Variants in KMT2A observed in about 807,000 individuals in gnomAD.
KMT2A encodes histone-lysine N-methyltransferase 2A.
KMT2A carries 16 observed loss-of-function variants against 345.3 expected under a neutral mutation model. The ratio of observed to expected loss-of-function variants is 0.05; its 90% CI spans 0.03 to 0.07. The LOEUF (loss-of-function observed/expected upper bound fraction) is 0.07, where lower values mean the gene tolerates loss of function less well. Among genes scored for constraint, KMT2A ranks in the 10% least tolerant of loss-of-function variants. The pLI, the probability that KMT2A is intolerant of heterozygous loss-of-function variation, is 1.00. For missense variants in KMT2A, 3,272 were observed against 4,841.6 expected (o/e 0.68, Z 9.62); for synonymous variants, 1,599 against 1,778.6 (o/e 0.90, Z 2.54).
At chr11:118,487,400 T>C (rs967783777) in intron 10 of KMT2A, among the ~76,000 whole-genome samples, 1 of 152,160 alleles carries the variant, frequency 6.6e-6, no homozygotes, top group Non-Finnish European at 1.5e-5. Flanking sequence ...GCATGACCAG[T>C]GCTTGATAAA....
At chr11:118,509,370 G>A (rs992164404) in intron 29 of KMT2A, among the ~76,000 whole-genome samples, 170 bp downstream of exon 29, 10 of 151,958 alleles carry the variant, frequency 6.6e-5, no homozygotes, top group Middle Eastern at 3.4e-3. Flanking sequence ...CCTGTCTCTC[G>A]GTGCAGTGTT....
rs782541447 is a variant in KMT2A at position 118,436,821 on chromosome 11, G to C, written c.309G>C (p.Pro103=). ...CATCGTCCTCAGCCTCTTCAGGGCCGGCCCTGCTCCGGGTGGGCCCGGGCT... is the reference window on the plus strand; with the variant it reads ...CATCGTCCTCAGCCTCTTCAGGGCCCGCCCTGCTCCGGGTGGGCCCGGGCT... ...SSSSSSASSG[P]ALLRVGPGFD... is the part of the protein sequence containing the mutation. The change falls in exon 1 of 36, where the codon CCG becomes CCC. Residue 103 remains proline, a synonymous_variant. Coordinates refer to ENST00000534358, the MANE Select transcript of KMT2A (RefSeq NM_001197104.2). The surrounding 1 kb of genome is among the most constrained non-coding windows in gnomAD (Gnocchi z 6.9). The C allele has an allele frequency of 1.9e-5, 31 of 1,608,414 alleles. No individual in the cohort carries two copies. Among genetic ancestry groups the C allele is most frequent in the Non-Finnish European group, 2.5e-5 (29 of 1,177,860 alleles).
Position 118,457,899 on chromosome 11 carries a change from G to A in KMT2A, c.433-10876G>A, listed in dbSNP as rs572129477. On this transcript the variant is annotated intron_variant, in intron 1 of 35. Coordinates refer to ENST00000534358, the MANE Select transcript of KMT2A (RefSeq NM_001197104.2). ...CGATACTTCATTAATTTACTCATCT[G>A]TTTTTAAGATTAGCAGGTCCTTAAA... 6.6e-5 allele frequency among the ~76,000 whole-genome samples: 10 copies of A among 152,142 alleles called. No homozygotes were observed. In the South Asian group the frequency reaches 1.9e-3, roughly 28 times the overall value.
rs1555046316 is a variant in KMT2A at position 118,502,935 on chromosome 11, T to C, written c.7043T>C (p.Val2348Ala). 6.2e-7 allele frequency: 1 copy of C among 1,614,122 alleles called. No homozygotes were observed. The highest frequency in any genetic ancestry group is 8.5e-7 in the Non-Finnish European group (1 of 1,180,006). ...AACACAACATCTAGAGAACTGAATG[T>C]TAGTAAAATCGGCTCCTTTGCTGAA... is the stretch of plus-strand genomic sequence containing the variant. ...VHNTTSRELN[V>A]SKIGSFAEPS... Residue 2348 changes from valine to alanine, a missense_variant, in exon 27 of 36, where the codon GTT (valine) becomes GCT (alanine). Around this residue, in one of 27 missense-constraint regions of KMT2A, gnomAD observed 445 missense variants for 500.9 expected, o/e 0.89. Transcript: ENST00000534358. The surrounding 1 kb of genome is among the most constrained non-coding windows in gnomAD (Gnocchi z 4.9).
At chr11:118,452,152 C>T (rs183818442) in intron 1 of KMT2A, among the ~76,000 whole-genome samples, 14 of 152,188 alleles carry the variant, frequency 9.2e-5, no homozygotes, top group Non-Finnish European at 1.8e-4. Flanking sequence ...AGCGATTCTA[C>T]TCCCTCAGCC....
intron 31 of KMT2A, among the ~76,000 whole-genome samples, chr11:118,517,501 A>G (rs1158344869): frequency 6.6e-6 from 1 of 152,202 alleles, no homozygotes; most frequent in Non-Finnish European, 1.5e-5. Context: ...TACATACCTA[A>G]GCCAAATTCT....
intron 31 of KMT2A, among the ~76,000 whole-genome samples, chr11:118,514,518 G>A (rs1950764823): frequency 6.6e-6 from 1 of 151,474 alleles, no homozygotes; most frequent in African/African-American, 2.4e-5. Flanking sequence ...TCGGCTCACT[G>A]CAACCTCCAT....
In KMT2A at chr11:118,494,253, T is replaced by C. The variant is rs782345531; in HGVS notation, c.5179-35T>C. On this transcript the variant is annotated intron_variant, in intron 16 of 35. Transcript: ENST00000534358. The surrounding 1 kb of genome is among the most constrained non-coding windows in gnomAD (Gnocchi z 5.8). Reference sequence around the variant, plus strand: ...GGAAATGGTTTTCAGAGCACACTGTTTTAAGAATAATTAACATTTTGTTTT... The same window carrying C: ...GGAAATGGTTTTCAGAGCACACTGTCTTAAGAATAATTAACATTTTGTTTT... 9.0e-6 allele frequency: 10 copies of C among 1,115,966 alleles called. No individual in the cohort carries two copies. In the Admixed American group the frequency reaches 1.7e-4, roughly 19 times the overall value. The allele number at this position is 1,115,966 out of a possible 1,614,324, so 69.1% of individuals were successfully genotyped here. A position where few individuals can be genotyped will look rare whatever the true frequency, so the allele number is the denominator to read the frequency against.
At chr11:118,450,356 T>A (rs1362777609) in intron 1 of KMT2A, 1 of 152,202 alleles carries the variant, frequency 6.6e-6, no homozygotes, top group African/African-American at 2.4e-5. Context: ...GACTACCTCT[T>A]TTTCTGAAGC....
At position 118,436,619 on chromosome 11, in the gene KMT2A, C is replaced by A. The variant is rs1221856539; in HGVS notation, c.107C>A (p.Pro36Gln). 3 of 1,156,984 alleles carry A rather than the reference C, an allele frequency of 2.6e-6. No homozygotes were observed. Among genetic ancestry groups the A allele is most frequent in the East Asian group, 8.0e-5 (2 of 24,888 alleles). 71.7% of individuals were successfully genotyped at this position (1,156,984 alleles called of 1,614,324 possible). A position where few individuals can be genotyped will look rare whatever the true frequency, so the allele number is the denominator to read the frequency against. The change falls in exon 1 of 36, where the codon CCG (proline) becomes CAG (glutamine). Residue 36 changes from proline to glutamine, a missense_variant. Physicochemically the swap from Pro to Gln is moderately conservative, Grantham distance 76. Around this residue, in one of 27 missense-constraint regions of KMT2A, gnomAD observed 412 missense variants for 511.0 expected, o/e 0.81. Coordinates refer to ENST00000534358, the MANE Select transcript of KMT2A (RefSeq NM_001197104.2). This position sits in a 1 kb window ranked among gnomAD's most constrained non-coding sequence, Gnocchi z 6.9. ...GLGGAPRQRV[P>Q]ALLLPPGPPV... Reference sequence around the variant, plus strand: ...GGGGGCGCCCCGCGGCAACGCGTCCCGGCCCTGCTGCTTCCCCCCGGGCCC... The same window carrying A: ...GGGGGCGCCCCGCGGCAACGCGTCCAGGCCCTGCTGCTTCCCCCCGGGCCC...
At chr11:118,464,820 T>C (rs1328025936) in intron 1 of KMT2A, among the ~76,000 whole-genome samples, 1 of 152,242 alleles carries the variant, frequency 6.6e-6, no homozygotes, top group East Asian at 1.9e-4. Flanking sequence ...GCAAAGGTCA[T>C]GGCAACAGTT....
At position 118,484,429 on chromosome 11, in the gene KMT2A, A is replaced by G; in HGVS notation, c.4218+115A>G. On this transcript the variant is annotated intron_variant, in intron 9 of 35. Transcript: ENST00000534358. The surrounding 1 kb of genome is among the most constrained non-coding windows in gnomAD (Gnocchi z 4.1). ...TCAGCACCAACTGGGGGAATGAATA[A>G]GAACTCCCATTAGCAGGTGGGTTTA... 9.0e-7 allele frequency: 1 copy of G among 1,108,886 alleles called. No homozygotes were observed. Among genetic ancestry groups the G allele is most frequent in the Non-Finnish European group, 1.3e-6 (1 of 773,854 alleles). The allele number at this position is 1,108,886 out of a possible 1,614,324, so 68.7% of individuals were successfully genotyped here. A position where few individuals can be genotyped will look rare whatever the true frequency, so the allele number is the denominator to read the frequency against.
At chr11:118,468,878 TTTTG>T (rs1555034807) in intron 2 of KMT2A, 34 bp downstream of exon 2, 3 of 1,567,002 alleles carry the variant, frequency 1.9e-6, no homozygotes, top group Non-Finnish European at 2.6e-6. Flanking sequence ...GCCTTTTAAG[TTTTG>T]TTTGTTAGGA....
rs146635751 is a variant in KMT2A at position 118,504,835 on chromosome 11, C to G, written c.8943C>G (p.Ser2981Arg). The G allele has an allele frequency of 6.8e-6, 11 of 1,614,126 alleles. No individual in the cohort carries two copies. The African/African-American group carries it at 1.2e-4, about 18-fold the overall frequency. Residue 2981 changes from serine to arginine, a missense_variant, in exon 27 of 36, where the codon AGC becomes AGG. Ser to Arg is a moderately radical substitution (Grantham distance 110, BLOSUM62 -1). Transcript: ENST00000534358. This position sits in a 1 kb window ranked among gnomAD's most constrained non-coding sequence, Gnocchi z 6.4. ...CTGAAAGTGACCCAGCACTGCTGAG[C>G]CCAGGAGTAGATCCAACTCCTGAAG... ...ASSESDPALL[S>R]PGVDPTPEGH...
At position 118,498,273 on chromosome 11, in the gene KMT2A, T is replaced by C. The variant is rs1950442113; in HGVS notation, c.5803-97T>C. The C allele has an allele frequency of 8.1e-7, 1 of 1,235,594 alleles. No individual in the cohort carries two copies. The highest frequency in any genetic ancestry group is 2.3e-5 in the East Asian group (1 of 42,920). 76.5% of individuals were successfully genotyped at this position (1,235,594 alleles called of 1,614,324 possible). On this transcript the variant is annotated intron_variant, in intron 21 of 35. Coordinates refer to ENST00000534358, the MANE Select transcript of KMT2A (RefSeq NM_001197104.2). This position sits in a 1 kb window ranked among gnomAD's most constrained non-coding sequence, Gnocchi z 4.4. ...ATTTATCAATAGATAAAATGAATTG[T>C]AGGAACTGTAGAATGGGATGAGTCT...
At position 118,484,070 on chromosome 11, in the gene KMT2A, A is replaced by C; in HGVS notation, c.4087-113A>C. On this transcript the variant is annotated intron_variant, in intron 8 of 35. Coordinates refer to ENST00000534358, the MANE Select transcript of KMT2A (RefSeq NM_001197104.2). The surrounding 1 kb of genome is among the most constrained non-coding windows in gnomAD (Gnocchi z 4.1). ...TTCAAAGATTATTTGTTTATGTTGG[A>C]AACATGTTTTTTAGATCTATTAATA... The C allele has an allele frequency of 9.5e-7, 1 of 1,057,132 alleles. No individual in the cohort carries two copies. Among genetic ancestry groups the C allele is most frequent in the Non-Finnish European group, 1.4e-6 (1 of 729,584 alleles). The allele number at this position is 1,057,132 out of a possible 1,614,324, so 65.5% of individuals were successfully genotyped here.
chr11:118,473,814 G>A lies in KMT2A; in HGVS notation c.2655G>A (p.Lys885=), dbSNP rs1555036668. The A allele has an allele frequency of 6.2e-7, 1 of 1,614,188 alleles. No individual in the cohort carries two copies. ...ERDREREKEN[K]RESRKEKRKK... is the part of the protein sequence containing the mutation. Reference sequence around the variant, plus strand: ...ACCGGGAGAGAGAAAAGGAGAATAAGCGGGAGTCAAGGAAAGAGAAAAGGA... The same window carrying A: ...ACCGGGAGAGAGAAAAGGAGAATAAACGGGAGTCAAGGAAAGAGAAAAGGA... The change falls in exon 3 of 36, where the codon AAG becomes AAA. Residue 885 remains lysine (K), a synonymous_variant. Transcript: ENST00000534358. The surrounding 1 kb of genome is among the most constrained non-coding windows in gnomAD (Gnocchi z 5.2).
chr11:118,480,994 T>C (rs149638083), intron 6 of KMT2A, among the ~76,000 whole-genome samples: 21 of 152,248 alleles, frequency 1.4e-4, no homozygotes, highest in Non-Finnish European at 2.6e-4. Context: ...TTTATGGGGG[T>C]ACATGAGATA....
chr11:118,513,963 A>G (rs1950748685), intron 31 of KMT2A, among the ~76,000 whole-genome samples: 1 of 151,426 alleles, frequency 6.6e-6, no homozygotes, highest in African/African-American at 2.4e-5. Flanking sequence ...AAAAAAGAAA[A>G]AGAAAAAAAA....
Sources: allele counts gnomAD v4.1 joint callset (sites outside exome capture counted in the v4.1 genomes callset), GRCh38; gene constraint gnomAD v4.1.1; regional missense constraint gnomAD v4.1.1; non-coding constraint Gnocchi (gnomAD v3.1); transcripts MANE v1.5; gene names NCBI Gene and HGNC (gene_info 2026-07-23, HGNC 2026-07-21).